The following SPNS3 variants were observed in gnomAD, a reference collection of about 807,000 sequenced individuals.
SPNS3 encodes SPNS lysolipid transporter 3, sphingosine-1-phosphate (putative), also known as protein spinster homolog 3.
SPNS3 carries 51 observed loss-of-function variants against 54.4 expected under a neutral mutation model. The observed-to-expected ratio is 0.94, with a 90% CI of 0.75 to 1.18. The LOEUF is 1.18. Ranked by LOEUF, SPNS3 falls within the 50% of genes most tolerant of loss-of-function variation. The pLI is 0.00. For missense variants in SPNS3, 669 were observed against 677.4 expected (o/e 0.99, Z 0.14); for synonymous variants, 309 against 294.7 (o/e 1.05, Z -0.50).
At chr17:4,469,520 G>A (rs1342426276) in intron 8 of SPNS3, among the ~76,000 whole-genome samples, 1 of 151,246 alleles carries the variant, frequency 6.6e-6, no homozygotes, top group Non-Finnish European at 1.5e-5. Context: ...TTAGGAAGCT[G>A]AGGCATGAGA....
chr17:4,466,291 C>G (rs895708279), intron 8 of SPNS3, among the ~76,000 whole-genome samples: 2 of 152,216 alleles, frequency 1.3e-5, no homozygotes. Flanking sequence ...CCTGTAATCC[C>G]AGCACTTCGG....
chr17:4,457,620 C>A lies in SPNS3; in HGVS notation c.1113+4415C>A, dbSNP rs150826676. 8.1e-3 allele frequency among the ~76,000 whole-genome samples: 1,229 copies of A among 152,274 alleles called. 7 individuals carry two copies. Among genetic ancestry groups the A allele is most frequent in the Middle Eastern group, 0.041 (12 of 294 alleles). On this transcript the variant is annotated intron_variant, in intron 8 of 11. Transcript: ENST00000355530. ...GCTGGGGCCCAGGCAGATGGAGGCCCCATCAAAGCTGTCCCTGTACCAGCC... is the reference window on the plus strand; with the variant it reads ...GCTGGGGCCCAGGCAGATGGAGGCCACATCAAAGCTGTCCCTGTACCAGCC...
At chr17:4,439,300 C>T (rs1408440790) in intron 1 of SPNS3, among the ~76,000 whole-genome samples, 1 of 151,870 alleles carries the variant, frequency 6.6e-6, no homozygotes, top group African/African-American at 2.4e-5. Flanking sequence ...ATTTTTTGTA[C>T]TTTTAGTAGA....
intron 8 of SPNS3, among the ~76,000 whole-genome samples, chr17:4,453,865 C>T (rs780195670): frequency 1.1e-4 from 16 of 152,168 alleles, no homozygotes; most frequent in African/African-American, 1.4e-4. Flanking sequence ...CCAATGTGGA[C>T]GCTGCTTTAA....
At chr17:4,478,791 G>C (rs1972081249) in intron 9 of SPNS3, among the ~76,000 whole-genome samples, 154 bp downstream of exon 9, 1 of 152,144 alleles carries the variant, frequency 6.6e-6, no homozygotes, top group Non-Finnish European at 1.5e-5. Flanking sequence ...AGGCCTCTCT[G>C]ACACTCTCAA....
intron 8 of SPNS3, among the ~76,000 whole-genome samples, chr17:4,469,620 CAAA>C (rs551056606): frequency 6.0e-5 from 4 of 66,850 alleles, no homozygotes; most frequent in Admixed American, 2.0e-4. Flanking sequence ...GACTCCATCT[CAAA>C]AAAAAAAAAA....
In SPNS3 at chr17:4,466,619, A is replaced by G. The variant is rs142749147; in HGVS notation, c.1114-11953A>G. Among the ~76,000 whole-genome samples the G allele has an allele frequency of 1.1e-4, 16 of 151,154 alleles. No homozygotes were observed. The East Asian group carries it at 3.1e-3, about 29-fold the overall frequency. On this transcript the variant is annotated intron_variant, in intron 8 of 11. Transcript: ENST00000355530. ...CATTTTGGGAGGCCGAGGCAGGCAG[A>G]TCACTTGAGGTCAGGAGTTCGAAAC...
chr17:4,480,844 C>T (rs1192580051), intron 9 of SPNS3, among the ~76,000 whole-genome samples: 2 of 152,196 alleles, frequency 1.3e-5, no homozygotes, highest in East Asian at 1.9e-4. Flanking sequence ...ATCCCAGAGC[C>T]TCCCGCCCCC....
At position 4,487,975 on chromosome 17, in the gene SPNS3, C is replaced by G; in HGVS notation, c.*81C>G. 7.9e-7 allele frequency: 1 copy of G among 1,261,126 alleles called. No individual in the cohort carries two copies. The highest frequency in any genetic ancestry group is 1.1e-6 in the Non-Finnish European group (1 of 869,708). The allele number at this position is 1,261,126 out of a possible 1,614,324, so 78.1% of individuals were successfully genotyped here. ...AGTGCCTCGGTTCCTCTTTGGCTGT[C>G]CTCGGGGACTCCGGCTGAGGCACAT... On this transcript the variant is annotated 3_prime_UTR_variant, in exon 12 of 12. Coordinates refer to ENST00000355530, the MANE Select transcript of SPNS3 (RefSeq NM_182538.5).
intron 8 of SPNS3, among the ~76,000 whole-genome samples, chr17:4,475,268 C>G (rs866396883): frequency 6.6e-6 from 1 of 152,094 alleles, no homozygotes; most frequent in Non-Finnish European, 1.5e-5. Context: ...TGCAGGGAGG[C>G]CACACAGACT....
chr17:4,480,101 C>T (rs886633576), intron 9 of SPNS3, among the ~76,000 whole-genome samples: 2 of 152,214 alleles, frequency 1.3e-5, no homozygotes, highest in African/African-American at 2.4e-5. Context: ...GATGTCTGCC[C>T]CTCCCCGGCA....
chr17:4,477,343 G>T (rs1456217004), intron 8 of SPNS3, among the ~76,000 whole-genome samples: 2 of 152,120 alleles, frequency 1.3e-5, no homozygotes, highest in Non-Finnish European at 2.9e-5. Context: ...AGTCCTTCAG[G>T]TCCTCCATCC....
intron 1 of SPNS3, among the ~76,000 whole-genome samples, chr17:4,437,213 T>G (rs1970737483): frequency 6.6e-6 from 1 of 152,054 alleles, no homozygotes; most frequent in Non-Finnish European, 1.5e-5. Context: ...GGTGCACGCT[T>G]GGCTCTGGAT....
At chr17:4,456,158 C>T (rs1199769732) in intron 8 of SPNS3, among the ~76,000 whole-genome samples, 3 of 151,968 alleles carry the variant, frequency 2.0e-5, no homozygotes, top group African/African-American at 7.3e-5. Flanking sequence ...TGCCATGTTG[C>T]CCAGCCTGGT....
At chr17:4,448,970 T>A (rs114608804) in intron 6 of SPNS3, among the ~76,000 whole-genome samples, 5,464 of 150,626 alleles carry the variant, frequency 0.036, 311 homozygotes, top group African/African-American at 0.13. Context: ...GTTGGGGGGG[T>A]CTCAGAAATG....
At chr17:4,442,532 A>G (rs890467184) in intron 2 of SPNS3, among the ~76,000 whole-genome samples, 1 of 151,006 alleles carries the variant, frequency 6.6e-6, no homozygotes, top group Non-Finnish European at 1.5e-5. Context: ...GACTGTCTCA[A>G]AAAAAAAACA....
chr17:4,448,790 A>G (rs1971074936), intron 6 of SPNS3, among the ~76,000 whole-genome samples: 1 of 152,202 alleles, frequency 6.6e-6, no homozygotes, highest in African/African-American at 2.4e-5. Context: ...AAGGCAGGGC[A>G]TGGACAGGAT....
intron 1 of SPNS3, among the ~76,000 whole-genome samples, chr17:4,439,002 CTGTT>C (rs1253392865): frequency 6.6e-6 from 1 of 151,630 alleles, no homozygotes; most frequent in East Asian, 1.9e-4. Context: ...CTGGGAATGC[CTGTT>C]TGTATCTATA....
chr17:4,448,028 C>T, intron 5 of SPNS3, 127 bp from the exon 6 acceptor site: 1 of 904,408 alleles, frequency 1.1e-6, no homozygotes, highest in Non-Finnish European at 1.6e-6. Flanking sequence ...TCAGGTCACC[C>T]CCACTACCCC....
Sources: gnomAD v4.1 joint callset for allele counts (sites outside exome capture counted in the v4.1 genomes callset) on GRCh38, gnomAD v4.1.1 for gene constraint, MANE v1.5 for transcripts, NCBI Gene and HGNC (gene_info 2026-07-23, HGNC 2026-07-21) for gene names.